Variants in TENM3 observed in about 807,000 individuals in gnomAD.
TENM3 encodes teneurin transmembrane protein 3, also known as teneurin-3.
Under a neutral mutation model 255.1 loss-of-function variants are expected in TENM3, and 63 were observed. The ratio of observed to expected loss-of-function variants is 0.25; its 90% CI spans 0.20 to 0.30. TENM3 has a LOEUF of 0.30. Ranked by LOEUF, TENM3 falls within the 10% of genes least tolerant of loss-of-function variation. The pLI, the probability that TENM3 is intolerant of heterozygous loss-of-function variation, is 1.00. For missense variants in TENM3, 2,929 were observed against 3,461.1 expected, an observed-to-expected ratio of 0.85 and a Z score of 3.86; for synonymous variants, 1,306 against 1,322.3, an observed-to-expected ratio of 0.99 and a Z score of 0.27.
chr4:182,251,445 G>A (rs368008963), intron 1 of TENM3, among the ~76,000 whole-genome samples: 13 of 152,228 alleles, frequency 8.5e-5, no homozygotes, highest in African/African-American at 2.7e-4. Context: ...TCCAGCCTGG[G>A]TGACACAGCG....
At chr4:182,692,333 A>G (rs1757072442) in intron 12 of TENM3, among the ~76,000 whole-genome samples, 1 of 152,262 alleles carries the variant, frequency 6.6e-6, no homozygotes, top group Admixed American at 6.5e-5. Flanking sequence ...AACCTGGACA[A>G]TGATAAATAC....
chr4:181,753,780 T>C, the TENM3 span, among the ~76,000 whole-genome samples: 1 of 152,176 alleles, frequency 6.6e-6, no homozygotes, highest in Non-Finnish European at 1.5e-5. Flanking sequence ...GTTTTGTTGT[T>C]TTTTACTTTG....
the TENM3 span, among the ~76,000 whole-genome samples, chr4:181,766,961 TA>T: frequency 2.0e-5 from 3 of 151,840 alleles, no homozygotes; most frequent in Admixed American, 1.3e-4. Context: ...ATTCAAAACT[TA>T]AAACCAGAGG....
chr4:181,939,921 C>T, the TENM3 span, among the ~76,000 whole-genome samples: 187 of 152,240 alleles, frequency 1.2e-3, 2 homozygotes, highest in Non-Finnish European at 3.2e-4. Flanking sequence ...ATTTCTTTTG[C>T]CCTGGTCTCC....
chr4:181,693,571 T>C, the TENM3 span, among the ~76,000 whole-genome samples: 1 of 152,150 alleles, frequency 6.6e-6, no homozygotes, highest in African/African-American at 2.4e-5. Flanking sequence ...TTATTTTTGC[T>C]CTCAGCGGGA....
chr4:182,396,917 G>A lies in TENM3; in HGVS notation c.511+49988G>A, dbSNP rs145323470. ...TGGGAGGTTGCAGTGAGCTGAAATC[G>A]CACCACTGCCCTCCAACCTAGGTGA... On this transcript the variant is annotated intron_variant, in intron 3 of 27. Transcript: ENST00000511685. 5.5e-4 allele frequency among the ~76,000 whole-genome samples: 84 copies of A among 151,872 alleles called. 1 individual carries two copies. The East Asian group carries it at 0.016, about 28-fold the overall frequency.
chr4:182,281,194 TTTAATGA>T (rs1443518151), intron 1 of TENM3, among the ~76,000 whole-genome samples: 4 of 152,272 alleles, frequency 2.6e-5, no homozygotes, highest in Non-Finnish European at 5.9e-5. Context: ...TCATCCTATC[TTTAATGA>T]TTAAGTGTGA....
chr4:182,217,020 T>C (rs1309606208), intron 1 of TENM3, among the ~76,000 whole-genome samples: 1 of 108,374 alleles, frequency 9.2e-6, no homozygotes, highest in African/African-American at 4.9e-5. Flanking sequence ...TTTTTTTTTT[T>C]TTTTTTTTTT....
chr4:182,319,603 T>A (rs932834991), intron 1 of TENM3, among the ~76,000 whole-genome samples: 1 of 152,236 alleles, frequency 6.6e-6, no homozygotes, highest in African/African-American at 2.4e-5. Context: ...ATGCTAGAGA[T>A]GTTTTAGAAA....
chr4:182,320,496 C>T (rs1762988905), intron 1 of TENM3, among the ~76,000 whole-genome samples: 2 of 152,148 alleles, frequency 1.3e-5, no homozygotes, highest in African/African-American at 4.8e-5. Context: ...CTGTGTGTGC[C>T]TGTATCCAAA....
the TENM3 span, among the ~76,000 whole-genome samples, chr4:181,804,070 G>A: frequency 1.2e-5 from 1 of 83,188 alleles, no homozygotes; most frequent in African/African-American, 4.0e-5. Context: ...GAAAGAGAAA[G>A]GAAAGAAAGA....
chr4:182,762,865 C>T (rs749352596), intron 22 of TENM3, among the ~76,000 whole-genome samples: 24 of 152,200 alleles, frequency 1.6e-4, no homozygotes, highest in Admixed American at 7.9e-4. Flanking sequence ...TTAGCTACAC[C>T]GCCCTCCCCT....
At chr4:182,615,478 G>C (rs1427783383) in intron 4 of TENM3, among the ~76,000 whole-genome samples, 1 of 152,076 alleles carries the variant, frequency 6.6e-6, no homozygotes, top group African/African-American at 2.4e-5. Context: ...CCTTAGCCAA[G>C]GTACTTGTGA....
intron 2 of TENM3, among the ~76,000 whole-genome samples, chr4:182,345,296 T>A (rs1764732883): frequency 6.6e-6 from 1 of 152,228 alleles, no homozygotes; most frequent in South Asian, 2.1e-4. Context: ...TAGGTTTGAT[T>A]TATTTCCGAG....
Position 182,800,935 on chromosome 4 carries a change from A to G in TENM3, c.*584A>G, listed in dbSNP as rs1766908204. ...GCTAACGTGGTTTCCCTTCGGGGAA[A>G]AAACTGGCAACTAGAATCCTTGTCA... is the stretch of plus-strand genomic sequence containing the variant. On this transcript the variant is annotated 3_prime_UTR_variant, in exon 28 of 28. Coordinates refer to ENST00000511685, the MANE Select transcript of TENM3 (RefSeq NM_001080477.4). The G allele has an allele frequency of 6.5e-6, 1 of 152,686 alleles. No individual in the cohort carries two copies. Among genetic ancestry groups the G allele is most frequent in the Non-Finnish European group, 1.5e-5 (1 of 68,058 alleles). 9.5% of individuals were successfully genotyped at this position (152,686 alleles called of 1,614,324 possible).
chr4:182,790,921 C>T (rs1766055480), intron 25 of TENM3, among the ~76,000 whole-genome samples: 1 of 152,168 alleles, frequency 6.6e-6, no homozygotes, highest in Non-Finnish European at 1.5e-5. Context: ...CACCTGCATG[C>T]ATCCAGGAGG....
intron 3 of TENM3, among the ~76,000 whole-genome samples, chr4:182,585,105 C>A (rs1218371172): frequency 6.6e-6 from 1 of 152,072 alleles, no homozygotes; most frequent in African/African-American, 2.4e-5. Context: ...TAAGAAAAGC[C>A]TGGAAATTAA....
In TENM3 at chr4:182,680,576, A is replaced by G. The variant is rs556400088; in HGVS notation, c.1673A>G (p.Gln558Arg). 3 of 1,613,744 alleles carry G rather than the reference A, an allele frequency of 1.9e-6. No individual in the cohort carries two copies. The highest frequency in any genetic ancestry group is 2.2e-5 in the East Asian group (1 of 44,864). Residue 558 changes from glutamine to arginine, a missense_variant, in exon 10 of 28, where the codon CAG (glutamine) becomes CGG (arginine). By Grantham distance (43) the Gln-to-Arg change is conservative. Transcript: ENST00000511685. ...CCAGTGTTATGTAGTGGCAACGGGCAGTACTCCAAGGGCCGCTGCCTGTGT... is the reference window on the plus strand; with the variant it reads ...CCAGTGTTATGTAGTGGCAACGGGCGGTACTCCAAGGGCCGCTGCCTGTGT... ...ACPVLCSGNGQYSKGRCLCFS... is the reference protein window; with the variant it reads ...ACPVLCSGNGRYSKGRCLCFS...
intron 1 of TENM3, among the ~76,000 whole-genome samples, chr4:182,262,538 C>T (rs532991118): frequency 6.6e-6 from 1 of 152,152 alleles, no homozygotes; most frequent in East Asian, 1.9e-4. Context: ...ACCAGCGCCA[C>T]GACAATTTAC....
Sources: gnomAD v4.1 joint callset for allele counts (sites outside exome capture counted in the v4.1 genomes callset) on GRCh38, gnomAD v4.1.1 for gene constraint, MANE v1.5 for transcripts, NCBI Gene and HGNC (gene_info 2026-07-23, HGNC 2026-07-21) for gene names.